Variants in LDLRAD4 observed in about 807,000 individuals in gnomAD.
The protein encoded by LDLRAD4 is low density lipoprotein receptor class A domain containing 4.
A neutral mutation model predicts 17.0 loss-of-function variants in LDLRAD4; 5 were observed. The observed-to-expected ratio is 0.29, with a 90% CI of 0.15 to 0.62. LDLRAD4 has a LOEUF of 0.62. LDLRAD4 is among the 20% of genes least tolerant of loss of function. LDLRAD4 has a pLI of 0.84. For synonymous variants in LDLRAD4, 168 were observed against 171.8 expected, an observed-to-expected ratio of 0.98 and a Z score of 0.17; for missense variants, 340 against 424.7, an observed-to-expected ratio of 0.80 and a Z score of 1.75.
intron 1 of LDLRAD4, among the ~76,000 whole-genome samples, chr18:13,360,138 A>G (rs374950125): frequency 7.9e-5 from 12 of 152,312 alleles, no homozygotes; most frequent in African/African-American, 2.9e-4. Flanking sequence ...GCTTGGCCAC[A>G]TGGAATCTCC....
chr18:13,347,239 C>A (rs1036687535), intron 1 of LDLRAD4, among the ~76,000 whole-genome samples: 2 of 152,190 alleles, frequency 1.3e-5, no homozygotes, highest in African/African-American at 4.8e-5. Context: ...TTAGTGCTTT[C>A]TTCAGGAGCT....
intron 3 of LDLRAD4, among the ~76,000 whole-genome samples, chr18:13,550,845 G>A (rs1047645986): frequency 4.6e-5 from 7 of 152,092 alleles, no homozygotes; most frequent in Non-Finnish European, 1.0e-4. Flanking sequence ...CTGCGAGCAG[G>A]CAGGGCCGAC....
At chr18:13,394,954 T>A (rs1010941713) in intron 2 of LDLRAD4, among the ~76,000 whole-genome samples, 30 of 152,358 alleles carry the variant, frequency 2.0e-4, no homozygotes, top group African/African-American at 7.2e-4. Context: ...CCTAGCCTCT[T>A]CCTCTGTTAG....
intron 1 of LDLRAD4, among the ~76,000 whole-genome samples, chr18:13,292,339 G>A (rs574130979): frequency 7.2e-5 from 11 of 152,336 alleles, no homozygotes; most frequent in South Asian, 2.1e-4. Context: ...TGTGATCTGC[G>A]CTCTGTTCCT....
chr18:13,429,555 G>A (rs2146002696), intron 2 of LDLRAD4, among the ~76,000 whole-genome samples: 1 of 152,254 alleles, frequency 6.6e-6, no homozygotes, highest in East Asian at 1.9e-4. Flanking sequence ...GGCGACGGAA[G>A]TACCAAAGAA....
chr18:13,447,036 A>G (rs554028934), intron 3 of LDLRAD4, among the ~76,000 whole-genome samples: 80 of 152,260 alleles, frequency 5.3e-4, no homozygotes, highest in African/African-American at 1.8e-3. Flanking sequence ...GTTTCCACAG[A>G]CTTAATTCTG....
At chr18:13,553,502 A>T (rs148584340) in intron 3 of LDLRAD4, among the ~76,000 whole-genome samples, 3 of 152,324 alleles carry the variant, frequency 2.0e-5, no homozygotes, top group East Asian at 3.9e-4. Flanking sequence ...AATTAAAAGG[A>T]TGTGTTTCTT....
intron 1 of LDLRAD4, among the ~76,000 whole-genome samples, chr18:13,312,567 C>T (rs1364024057): frequency 1.3e-5 from 2 of 152,064 alleles, no homozygotes; most frequent in East Asian, 3.8e-4. Context: ...CATAAAGAGA[C>T]CCCATCCCTA....
At chr18:13,648,966 C>CTATT (rs2043127963) in exon 6 of LDLRAD4, 1 of 152,184 alleles carries the variant, frequency 6.6e-6, no homozygotes, top group Admixed American at 6.5e-5. Context: ...AATAGTTCTT[C>CTATT]TATTTTTAGT....
chr18:13,534,172 A>G (rs2094169190), intron 3 of LDLRAD4, among the ~76,000 whole-genome samples: 1 of 152,224 alleles, frequency 6.6e-6, no homozygotes. Context: ...GGCAGTGCCT[A>G]TCTGCACTTC....
chr18:13,640,900 TAAAC>T (rs1371789291), intron 4 of LDLRAD4, among the ~76,000 whole-genome samples: 2 of 152,200 alleles, frequency 1.3e-5, no homozygotes, highest in African/African-American at 4.8e-5. Context: ...TTTAACAAAT[TAAAC>T]AATGTGTGTC....
intron 1 of LDLRAD4, among the ~76,000 whole-genome samples, chr18:13,323,150 C>G (rs753624602): frequency 6.6e-6 from 1 of 152,158 alleles, no homozygotes; most frequent in Non-Finnish European, 1.5e-5. Context: ...ACAGAAAAAG[C>G]TTTTGTTTTT....
intron 3 of LDLRAD4, among the ~76,000 whole-genome samples, chr18:13,496,355 A>T (rs2093469457): frequency 6.6e-6 from 1 of 152,164 alleles, no homozygotes; most frequent in South Asian, 2.1e-4. Flanking sequence ...GGTGGATTAG[A>T]TGACCCCAGT....
At chr18:13,326,388 G>C (rs535325781) in intron 1 of LDLRAD4, among the ~76,000 whole-genome samples, 1 of 152,246 alleles carries the variant, frequency 6.6e-6, no homozygotes, top group South Asian at 2.1e-4. Context: ...GAGAAAAAAG[G>C]GCGTAAAGGA....
intron 3 of LDLRAD4, among the ~76,000 whole-genome samples, chr18:13,481,593 C>T (rs2093086269): frequency 6.6e-6 from 1 of 152,142 alleles, no homozygotes; most frequent in South Asian, 2.1e-4. Context: ...CCAGTCTCCA[C>T]CCCCTCCCCA....
At chr18:13,224,919 G>A (rs551270702) in intron 1 of LDLRAD4, among the ~76,000 whole-genome samples, 6 of 150,172 alleles carry the variant, frequency 4.0e-5, no homozygotes, top group African/African-American at 9.8e-5. Flanking sequence ...TGCAACCTCC[G>A]TCCCAGGTTC....
chr18:13,623,802 C>T (rs1001463665), intron 4 of LDLRAD4, among the ~76,000 whole-genome samples: 1 of 152,222 alleles, frequency 6.6e-6, no homozygotes, highest in Non-Finnish European at 1.5e-5. Flanking sequence ...GGTCCCCTAA[C>T]CCAGGTCCTC....
chr18:13,564,751 T>G (rs1362464995), intron 3 of LDLRAD4, among the ~76,000 whole-genome samples: 3 of 152,178 alleles, frequency 2.0e-5, no homozygotes, highest in Non-Finnish European at 4.4e-5. Context: ...TTCCCTTCAT[T>G]GCCTTGGCAG....
chr18:13,349,354 C>G (rs1182838701), intron 1 of LDLRAD4, among the ~76,000 whole-genome samples: 1 of 152,196 alleles, frequency 6.6e-6, no homozygotes, highest in East Asian at 1.9e-4. Flanking sequence ...TTAATATGCA[C>G]TTATGATTCT....
Sources: gnomAD v4.1 joint callset for allele counts (sites outside exome capture counted in the v4.1 genomes callset) on GRCh38, gnomAD v4.1.1 for gene constraint, MANE v1.5 for transcripts, NCBI Gene and HGNC (gene_info 2026-07-23, HGNC 2026-07-21) for gene names.